CHST9: variants seen among roughly 807,000 people sequenced by gnomAD.
The protein encoded by CHST9 is carbohydrate sulfotransferase 9.
A neutral mutation model predicts 44.4 loss-of-function variants in CHST9; 41 were observed. That is an observed-to-expected ratio of 0.92 (90% CI 0.72 to 1.20). CHST9 has a LOEUF of 1.20. CHST9 is among the 50% of genes most tolerant of loss of function. The probability of loss-of-function intolerance (pLI) is 0.00; values close to 1 mark genes in which losing one functional copy is unlikely to be tolerated. For synonymous variants in CHST9, 171 were observed against 178.4 expected (o/e 0.96, Z 0.33); for missense variants, 504 against 516.5 (o/e 0.98, Z 0.23).
intron 3 of CHST9, among the ~76,000 whole-genome samples, chr18:27,040,597 C>T (rs2057434312): frequency 6.6e-6 from 1 of 152,070 alleles, no homozygotes; most frequent in Non-Finnish European, 1.5e-5. Context: ...TTTCATGTTT[C>T]CTTAGAGTTT....
chr18:27,038,520 A>G (rs1568144199), intron 3 of CHST9, among the ~76,000 whole-genome samples: 1 of 152,138 alleles, frequency 6.6e-6, no homozygotes, highest in Non-Finnish European at 1.5e-5. Flanking sequence ...TCTGGGTGAT[A>G]GAGCTAGACT....
chr18:27,004,400 G>A (rs1336038513), intron 4 of CHST9, among the ~76,000 whole-genome samples: 1 of 151,348 alleles, frequency 6.6e-6, no homozygotes, highest in East Asian at 1.9e-4. Flanking sequence ...GCTTCCAGTG[G>A]TAAAAGGCAG....
chr18:27,158,456 A>T (rs1204330489), intron 1 of CHST9, among the ~76,000 whole-genome samples: 1 of 151,166 alleles, frequency 6.6e-6, no homozygotes, highest in Non-Finnish European at 1.5e-5. Flanking sequence ...ATGGCTGCAT[A>T]GTATTCCATG....
intron 4 of CHST9, among the ~76,000 whole-genome samples, chr18:26,958,182 G>T (rs2056352493): frequency 6.6e-6 from 1 of 151,942 alleles, no homozygotes; most frequent in Non-Finnish European, 1.5e-5. Flanking sequence ...CACTGCGCCT[G>T]ATTCTCAGAC....
intron 2 of CHST9, among the ~76,000 whole-genome samples, chr18:27,101,397 C>T (rs1229782907): frequency 6.6e-6 from 1 of 151,314 alleles, no homozygotes; most frequent in African/African-American, 2.4e-5. Flanking sequence ...CAAGACCATA[C>T]TGGCTAACAC....
At chr18:27,063,894 G>C (rs2143624148) in intron 2 of CHST9, among the ~76,000 whole-genome samples, 1 of 152,102 alleles carries the variant, frequency 6.6e-6, no homozygotes, top group African/African-American at 2.4e-5. Context: ...AAGGTGGGAG[G>C]CCACGAGGGC....
intron 3 of CHST9, among the ~76,000 whole-genome samples, chr18:27,027,263 T>C (rs940371587): frequency 6.6e-6 from 1 of 152,244 alleles, no homozygotes; most frequent in Non-Finnish European, 1.5e-5. Flanking sequence ...TAAGGCTATG[T>C]GGCAGTTTGT....
chr18:27,048,417 G>A (rs1477739103), intron 3 of CHST9, 48 bp downstream of exon 3: 1 of 1,478,884 alleles, frequency 6.8e-7, no homozygotes, highest in African/African-American at 1.4e-5. Context: ...TTTAAAGGTG[G>A]AAATAAAATC....
intron 2 of CHST9, among the ~76,000 whole-genome samples, chr18:27,133,489 G>T (rs1187190165): frequency 6.6e-6 from 1 of 152,150 alleles, no homozygotes; most frequent in Non-Finnish European, 1.5e-5. Flanking sequence ...GTTGTAATTG[G>T]CTGAGTGAAT....
At chr18:27,050,562 T>A (rs921195994) in intron 2 of CHST9, among the ~76,000 whole-genome samples, 2 of 152,198 alleles carry the variant, frequency 1.3e-5, no homozygotes, top group African/African-American at 4.8e-5. Context: ...CAATCTTCCC[T>A]TATGTCGCTG....
chr18:27,031,321 C>T (rs2057338284), intron 3 of CHST9, among the ~76,000 whole-genome samples: 1 of 152,266 alleles, frequency 6.6e-6, no homozygotes, highest in Middle Eastern at 3.4e-3. Context: ...CCCCTCTGAA[C>T]TTGCACAAGT....
intron 2 of CHST9, among the ~76,000 whole-genome samples, chr18:27,124,944 G>A (rs943594635): frequency 2.0e-5 from 3 of 152,130 alleles, no homozygotes; most frequent in Non-Finnish European, 4.4e-5. Context: ...TCTCTCTCCC[G>A]AGCAAACTTA....
At chr18:27,016,266 G>A (rs748239251) in intron 4 of CHST9, among the ~76,000 whole-genome samples, 18 of 152,224 alleles carry the variant, frequency 1.2e-4, no homozygotes, top group Non-Finnish European at 2.4e-4. Context: ...GCTCACCACC[G>A]CCTCTTTCCT....
chr18:26,967,037 G>A (rs2056474658), intron 4 of CHST9, among the ~76,000 whole-genome samples: 1 of 152,066 alleles, frequency 6.6e-6, no homozygotes, highest in South Asian at 2.1e-4. Context: ...TGGGGGATGG[G>A]TCAAAAGGAG....
chr18:26,945,195 T>TA (rs1318568954), intron 4 of CHST9, among the ~76,000 whole-genome samples: 3 of 152,142 alleles, frequency 2.0e-5, no homozygotes, highest in Non-Finnish European at 2.9e-5. Flanking sequence ...GTGTCCCTTT[T>TA]AAAAAAACAA....
At position 27,036,181 on chromosome 18, in the gene CHST9, AAG is replaced by A. The variant is rs1262693301; in HGVS notation, c.161-12026_161-12025del. Reference sequence around the variant, plus strand: ...ACACTGGATGATTCAGGTTGGTGAAAAGAGAGCAAGGTGCATCAGCTCTTCCG... The same window carrying A: ...ACACTGGATGATTCAGGTTGGTGAAAAGAGCAAGGTGCATCAGCTCTTCCG... On this transcript the variant is annotated intron_variant, in intron 3 of 5. Transcript: ENST00000618847. Among the ~76,000 whole-genome samples the A allele has an allele frequency of 3.3e-5, 5 of 152,268 alleles. No individual in the cohort carries two copies. In the East Asian group the frequency reaches 9.7e-4, roughly 30 times the overall value.
At chr18:27,046,222 C>T (rs1242465441) in intron 3 of CHST9, among the ~76,000 whole-genome samples, 2 of 151,988 alleles carry the variant, frequency 1.3e-5, no homozygotes, top group Non-Finnish European at 2.9e-5. Context: ...GAAGTTATTT[C>T]TTACCCTGAA....
intron 4 of CHST9, among the ~76,000 whole-genome samples, chr18:26,999,728 T>C (rs1235499136): frequency 1.3e-5 from 2 of 152,154 alleles, no homozygotes; most frequent in Non-Finnish European, 2.9e-5. Context: ...ACAAATGAGG[T>C]CCAAATTACC....
chr18:27,006,238 T>TTTTA (rs1229346339), intron 4 of CHST9, among the ~76,000 whole-genome samples: 1 of 152,132 alleles, frequency 6.6e-6, no homozygotes, highest in African/African-American at 2.4e-5. Context: ...GCTTTATTAA[T>TTTTA]TTTATTTATT....
Sources: gnomAD v4.1 joint callset for allele counts (sites outside exome capture counted in the v4.1 genomes callset) on GRCh38, gnomAD v4.1.1 for gene constraint, MANE v1.5 for transcripts, NCBI Gene and HGNC (gene_info 2026-07-23, HGNC 2026-07-21) for gene names.